Variants in PLLP observed in about 807,000 individuals in gnomAD.
The protein encoded by PLLP is plasma membrane proteolipid (plasmolipin).
PLLP carries 15 observed loss-of-function variants against 19.7 expected under a neutral mutation model. The observed-to-expected ratio is 0.76, with a 90% confidence interval of 0.51 to 1.17. The LOEUF is 1.17. Among genes scored for constraint, PLLP ranks in the 50% most tolerant of loss-of-function variants. The pLI is 0.00. For missense variants in PLLP, 255 were observed against 258.3 expected (o/e 0.99, Z 0.09); for synonymous variants, 111 against 116.3 (o/e 0.95, Z 0.29).
chr16:57,273,016 T>C (rs1171306177), intron 1 of PLLP, among the ~76,000 whole-genome samples: 1 of 151,522 alleles, frequency 6.6e-6, no homozygotes, highest in Non-Finnish European at 1.5e-5. Flanking sequence ...TCCCAGCACT[T>C]TGGGAGGCCG....
In PLLP at chr16:57,258,544, G is replaced by C. The variant is rs767327551; in HGVS notation, c.350C>G (p.Thr117Ser). ...TGCCGCAGAGCAGGCGATGAAGGCG[G>C]TGATGTAGAGAACGGTGGCGCTGAT... Reference protein sequence around the residue: ...FNISATVLYITAFIACSAAVD... With the variant: ...FNISATVLYISAFIACSAAVD... The change falls in exon 3 of 4, where the codon ACC (threonine) becomes AGC (serine). Residue 117 changes from threonine (T) to serine (S), a missense_variant. Coordinates refer to ENST00000219207, the MANE Select transcript of PLLP (RefSeq NM_015993.3). The C allele has an allele frequency of 6.2e-7, 1 of 1,613,378 alleles. No individual in the cohort carries two copies. The highest frequency in any genetic ancestry group is 2.2e-5 in the East Asian group (1 of 44,890).
chr16:57,270,785 C>T (rs954238411), intron 1 of PLLP, among the ~76,000 whole-genome samples: 15 of 152,176 alleles, frequency 9.9e-5, no homozygotes, highest in South Asian at 4.1e-4. Context: ...GAGTCATCCC[C>T]GCTCTCCAGG....
intron 1 of PLLP, among the ~76,000 whole-genome samples, chr16:57,276,192 C>T (rs1009809534): frequency 4.6e-5 from 7 of 152,328 alleles, no homozygotes; most frequent in African/African-American, 1.7e-4. Context: ...TTTGGTGGCT[C>T]ATGCCTGTAA....
intron 1 of PLLP, among the ~76,000 whole-genome samples, chr16:57,266,183 C>A (rs544069026): frequency 1.4e-4 from 21 of 152,172 alleles, no homozygotes; most frequent in African/African-American, 4.8e-4. Flanking sequence ...AGGCTCCCCC[C>A]ACTGCCCGCC....
At chr16:57,273,951 C>T (rs1901116437) in intron 1 of PLLP, among the ~76,000 whole-genome samples, 2 of 152,188 alleles carry the variant, frequency 1.3e-5, no homozygotes, top group Non-Finnish European at 1.5e-5. Flanking sequence ...CATTCAAGTG[C>T]CACCTTCATA....
In PLLP at chr16:57,259,256, G is replaced by C. The variant is rs142188567; in HGVS notation, c.310-672C>G. On this transcript the variant is annotated intron_variant, in intron 2 of 3. Transcript: ENST00000219207. ...TCTTTGTACCAGCTAAAGAAACACA[G>C]GCTACTCCTCCAAGTGTGGTCCAGG... 6.1e-3 allele frequency among the ~76,000 whole-genome samples: 925 copies of C among 152,360 alleles called. 14 individuals are homozygous for C. The highest frequency in any genetic ancestry group is 0.022 in the African/African-American group (895 of 41,582).
intron 1 of PLLP, among the ~76,000 whole-genome samples, chr16:57,273,920 T>TTC (rs1336040412): frequency 6.6e-6 from 1 of 152,208 alleles, no homozygotes; most frequent in African/African-American, 2.4e-5. Flanking sequence ...GAAAGTGCCT[T>TTC]TCTCTCTCTG....
intron 1 of PLLP, among the ~76,000 whole-genome samples, chr16:57,278,036 C>G (rs1901174712): frequency 6.6e-6 from 1 of 152,012 alleles, no homozygotes; most frequent in Non-Finnish European, 1.5e-5. Flanking sequence ...GGAAGGAAGA[C>G]AAGTCTCAAA....
At chr16:57,257,084 T>A (rs554841925) in intron 3 of PLLP, 55 bp from the exon 4 acceptor site, 3 of 1,256,466 alleles carry the variant, frequency 2.4e-6, no homozygotes, top group Non-Finnish European at 3.5e-6. Context: ...TGACACAAGC[T>A]CCAACCAGAT....
At chr16:57,280,597 C>CT (rs148375309) in intron 1 of PLLP, among the ~76,000 whole-genome samples, 22 of 152,302 alleles carry the variant, frequency 1.4e-4, no homozygotes, top group African/African-American at 5.1e-4. Flanking sequence ...AGACCTGCCT[C>CT]CTTTTTTAGA....
At chr16:57,274,128 C>A (rs1346869370) in intron 1 of PLLP, among the ~76,000 whole-genome samples, 1 of 152,040 alleles carries the variant, frequency 6.6e-6, no homozygotes, top group Non-Finnish European at 1.5e-5. Flanking sequence ...CTGGGACAGG[C>A]GCACACAACC....
intron 1 of PLLP, among the ~76,000 whole-genome samples, chr16:57,269,405 G>A (rs1470254177): frequency 6.6e-6 from 1 of 152,234 alleles, no homozygotes; most frequent in Non-Finnish European, 1.5e-5. Flanking sequence ...GGCAAGTGAG[G>A]AAATTGGGGT....
At chr16:57,283,040 T>TA (rs1297791226) in intron 1 of PLLP, among the ~76,000 whole-genome samples, 2 of 152,084 alleles carry the variant, frequency 1.3e-5, no homozygotes, top group African/African-American at 4.8e-5. Flanking sequence ...TCTGCAGAAT[T>TA]AAATGATTCC....
chr16:57,259,572 C>T (rs2075435973), intron 2 of PLLP, among the ~76,000 whole-genome samples: 1 of 152,240 alleles, frequency 6.6e-6, no homozygotes, highest in Non-Finnish European at 1.5e-5. Context: ...CTTCAAACGC[C>T]TGGTCCTCAA....
chr16:57,261,880 C>CT lies in PLLP; in HGVS notation c.309+16_309+17insA. 6.2e-7 allele frequency: 1 copy of CT among 1,611,588 alleles called. No individual in the cohort carries two copies. The highest frequency in any genetic ancestry group is 8.5e-7 in the Non-Finnish European group (1 of 1,177,766). The stretch of plus-strand genomic sequence containing the variant: ...GGTCCTGTCATAGCCACTTCCAGTA[C>CT]CCCCACCCAGACTCACCACCAGTGG... On this transcript the variant is annotated intron_variant, in intron 2 of 3. Transcript: ENST00000219207.
At chr16:57,260,416 G>A (rs775128080) in intron 2 of PLLP, among the ~76,000 whole-genome samples, 2 of 152,110 alleles carry the variant, frequency 1.3e-5, no homozygotes, top group Non-Finnish European at 2.9e-5. Context: ...GGTGGACCCT[G>A]AGCCCGGAAG....
intron 1 of PLLP, among the ~76,000 whole-genome samples, chr16:57,272,222 T>C (rs1179464914): frequency 1.3e-5 from 2 of 152,214 alleles, no homozygotes; most frequent in African/African-American, 4.8e-5. Flanking sequence ...ACCAAGGTCA[T>C]GCCTGGTAAG....
At chr16:57,262,628 A>G (rs979726061) in intron 1 of PLLP, among the ~76,000 whole-genome samples, 3 of 152,122 alleles carry the variant, frequency 2.0e-5, no homozygotes, top group African/African-American at 7.2e-5. Flanking sequence ...CCAGCTACTC[A>G]TGAGGCTGAA....
chr16:57,267,824 G>A (rs1411802082), intron 1 of PLLP, among the ~76,000 whole-genome samples: 3 of 147,972 alleles, frequency 2.0e-5, no homozygotes, highest in Admixed American at 6.8e-5. Context: ...GCAGTGAGCC[G>A]AGATCGCACC....
Sources: gnomAD v4.1 joint callset for allele counts (sites outside exome capture counted in the v4.1 genomes callset) on GRCh38, gnomAD v4.1.1 for gene constraint, MANE v1.5 for transcripts, NCBI Gene and HGNC (gene_info 2026-07-23, HGNC 2026-07-21) for gene names.